Variants in NCAM2 observed in about 807,000 individuals in gnomAD.
The protein encoded by NCAM2 is N-CAM-2.
Under a neutral mutation model 98.1 loss-of-function variants are expected in NCAM2, and 30 were observed. The observed-to-expected ratio is 0.31, with a 90% CI of 0.23 to 0.41. The LOEUF (loss-of-function observed/expected upper bound fraction) is 0.41. Ranked by LOEUF, NCAM2 falls within the 10% of genes least tolerant of loss-of-function variation. The pLI is 1.00. For missense variants in NCAM2, 867 were observed against 1,005.8 expected (o/e 0.86, Z 1.87); for synonymous variants, 368 against 342.4 (o/e 1.07, Z -0.83).
intron 1 of NCAM2, among the ~76,000 whole-genome samples, chr21:21,272,503 C>T (rs1034529369): frequency 1.6e-4 from 9 of 55,914 alleles, no homozygotes; most frequent in African/African-American, 5.3e-4. Flanking sequence ...CACATGCGCG[C>T]GCGCGCACAC....
intron 1 of NCAM2, among the ~76,000 whole-genome samples, chr21:21,066,088 G>A (rs1312309335): frequency 6.6e-6 from 1 of 152,138 alleles, no homozygotes. Flanking sequence ...ACACAAGGAC[G>A]ATACTTCTTC....
intron 1 of NCAM2, among the ~76,000 whole-genome samples, chr21:21,096,108 A>G (rs2066117444): frequency 6.6e-6 from 1 of 151,628 alleles, no homozygotes. Context: ...CCTCTTAACT[A>G]TTATTGTTAA....
intron 1 of NCAM2, among the ~76,000 whole-genome samples, chr21:21,094,918 A>G (rs1285872407): frequency 4.0e-5 from 6 of 151,800 alleles, no homozygotes; most frequent in Non-Finnish European, 7.4e-5. Context: ...TATTAAAAGC[A>G]TAATTGTTGA....
intron 8 of NCAM2, among the ~76,000 whole-genome samples, chr21:21,342,524 T>G (rs2075071153): frequency 6.6e-6 from 1 of 152,190 alleles, no homozygotes; most frequent in Non-Finnish European, 1.5e-5. Context: ...TATGGCTATC[T>G]AAGAGCAGCC....
At chr21:21,388,348 GA>G (rs1220327650) in intron 9 of NCAM2, among the ~76,000 whole-genome samples, 2 of 152,142 alleles carry the variant, frequency 1.3e-5, no homozygotes, top group African/African-American at 4.8e-5. Context: ...GGTAGATAAA[GA>G]AAATATGGTA....
At chr21:21,299,551 TA>T (rs1374301044) in intron 5 of NCAM2, among the ~76,000 whole-genome samples, 10 of 151,840 alleles carry the variant, frequency 6.6e-5, no homozygotes, top group Non-Finnish European at 1.3e-4. Flanking sequence ...AATCTCCGTC[TA>T]AAATGTGATT....
intron 16 of NCAM2, among the ~76,000 whole-genome samples, chr21:21,527,166 C>CA (rs1989372204): frequency 6.7e-6 from 1 of 149,910 alleles, no homozygotes; most frequent in African/African-American, 2.5e-5. Flanking sequence ...GGCTAGAGTG[C>CA]AGTGGCCTGA....
intron 15 of NCAM2, among the ~76,000 whole-genome samples, chr21:21,485,524 T>A (rs1304315993): frequency 1.3e-5 from 2 of 152,160 alleles, no homozygotes; most frequent in East Asian, 3.9e-4. Flanking sequence ...AATTTCGATT[T>A]GAGGGAGTAG....
In NCAM2 at chr21:21,032,857, C is replaced by A. The variant is rs1322571796; in HGVS notation, c.55+34239C>A. The stretch of plus-strand genomic sequence containing the variant: ...TCATTTTCATAAAATGTATTTAAAA[C>A]TTTGTCTACATACTTTAGCAAAATA... On this transcript the variant is annotated intron_variant, in intron 1 of 17. Coordinates refer to ENST00000400546, the MANE Select transcript of NCAM2 (RefSeq NM_004540.5). Among the ~76,000 whole-genome samples the A allele has an allele frequency of 3.3e-5, 5 of 152,160 alleles. No individual in the cohort carries two copies. In the East Asian group the frequency reaches 9.7e-4, roughly 29 times the overall value.
chr21:21,276,352 AT>A (rs2072728111), intron 1 of NCAM2, among the ~76,000 whole-genome samples: 1 of 152,084 alleles, frequency 6.6e-6, no homozygotes, highest in Non-Finnish European at 1.5e-5. Flanking sequence ...ATAATTTTTA[AT>A]TTACCCAACT....
intron 15 of NCAM2, among the ~76,000 whole-genome samples, chr21:21,479,418 C>T (rs1002113386): frequency 1.3e-5 from 2 of 150,578 alleles, no homozygotes; most frequent in Non-Finnish European, 1.5e-5. Context: ...CCCGTCTCTA[C>T]TAAAAACAGA....
At chr21:21,474,774 T>C (rs948940383) in intron 14 of NCAM2, among the ~76,000 whole-genome samples, 1 of 152,022 alleles carries the variant, frequency 6.6e-6, no homozygotes, top group Non-Finnish European at 1.5e-5. Flanking sequence ...TTCCTTCCCA[T>C]ATATGTGTGT....
chr21:21,323,071 T>C (rs990283412), intron 5 of NCAM2, among the ~76,000 whole-genome samples: 3 of 152,186 alleles, frequency 2.0e-5, no homozygotes, highest in African/African-American at 7.2e-5. Flanking sequence ...GAAAAACCTT[T>C]ACTGTAATAA....
intron 1 of NCAM2, among the ~76,000 whole-genome samples, chr21:21,198,965 TA>T (rs2069110743): frequency 6.6e-6 from 1 of 152,150 alleles, no homozygotes; most frequent in Non-Finnish European, 1.5e-5. Flanking sequence ...AGAGCTCCTG[TA>T]TGTAGGGTTA....
At chr21:21,402,491 A>G (rs1250107026) in intron 9 of NCAM2, among the ~76,000 whole-genome samples, 2 of 152,126 alleles carry the variant, frequency 1.3e-5, no homozygotes, top group South Asian at 2.1e-4. Flanking sequence ...TAAGATGTTT[A>G]TCAAGACAAT....
intron 1 of NCAM2, among the ~76,000 whole-genome samples, chr21:21,039,808 A>C (rs1418085430): frequency 6.6e-6 from 1 of 152,166 alleles, no homozygotes; most frequent in Non-Finnish European, 1.5e-5. Flanking sequence ...GTACAGCACT[A>C]AGTGTTAGGA....
At chr21:21,427,014 A>G (rs1226905095) in intron 11 of NCAM2, among the ~76,000 whole-genome samples, 3 of 152,212 alleles carry the variant, frequency 2.0e-5, no homozygotes, top group Non-Finnish European at 2.9e-5. Flanking sequence ...TACAAAAATC[A>G]AACTCTTCAG....
At chr21:21,315,186 G>A (rs1210955057) in intron 5 of NCAM2, among the ~76,000 whole-genome samples, 1 of 152,052 alleles carries the variant, frequency 6.6e-6, no homozygotes, top group African/African-American at 2.4e-5. Flanking sequence ...TGTCAGATCT[G>A]TCCTGCATGT....
At chr21:21,028,496 G>A (rs1011326491) in intron 1 of NCAM2, among the ~76,000 whole-genome samples, 2 of 152,194 alleles carry the variant, frequency 1.3e-5, no homozygotes, top group Admixed American at 6.5e-5. Flanking sequence ...TGGATCATAT[G>A]TGAGGTCACT....
Sources: gnomAD v4.1 joint callset for allele counts (sites outside exome capture counted in the v4.1 genomes callset) on GRCh38, gnomAD v4.1.1 for gene constraint, MANE v1.5 for transcripts, NCBI Gene and HGNC (gene_info 2026-07-23, HGNC 2026-07-21) for gene names.